The following SUCLA2 variants were observed in gnomAD, a reference collection of about 807,000 sequenced individuals.
The protein encoded by SUCLA2 is succinate-CoA ligase ADP-forming subunit beta.
Under a neutral mutation model 54.8 loss-of-function variants are expected in SUCLA2, and 30 were observed. That is an observed-to-expected ratio of 0.55 (90% confidence interval 0.41 to 0.74). The LOEUF is 0.74. Among genes scored for constraint, SUCLA2 ranks in the 30% least tolerant of loss-of-function variants. SUCLA2 has a pLI of 0.00. For missense variants in SUCLA2, 476 were observed against 562.9 expected, an observed-to-expected ratio of 0.85 and a Z score of 1.56; for synonymous variants, 172 against 188.9, an observed-to-expected ratio of 0.91 and a Z score of 0.74.
intron 8 of SUCLA2, among the ~76,000 whole-genome samples, chr13:47,950,808 TG>T (rs1387578503): frequency 1.3e-5 from 2 of 152,146 alleles, no homozygotes; most frequent in African/African-American, 2.4e-5. Flanking sequence ...TCAGGGCCAG[TG>T]GACTCTGACT....
intron 4 of SUCLA2, among the ~76,000 whole-genome samples, chr13:47,984,900 GTCCCAC>G (rs2137737820): frequency 6.6e-6 from 1 of 152,214 alleles, no homozygotes; most frequent in East Asian, 1.9e-4. Context: ...ACAGGAAAAT[GTCCCAC>G]TCATTTGCAG....
At chr13:47,987,034 G>A (rs1459328810) in intron 4 of SUCLA2, among the ~76,000 whole-genome samples, 2 of 151,994 alleles carry the variant, frequency 1.3e-5, no homozygotes, top group Admixed American at 6.6e-5. Flanking sequence ...TAATGTCTTC[G>A]GTCAAACAGT....
At chr13:47,977,100 C>A (rs185967574) in intron 4 of SUCLA2, among the ~76,000 whole-genome samples, 2 of 151,092 alleles carry the variant, frequency 1.3e-5, no homozygotes, top group Admixed American at 1.3e-4. Context: ...ACTGAAATAA[C>A]AAAAATCAGA....
At chr13:47,998,840 A>G (rs562678932) in intron 1 of SUCLA2, among the ~76,000 whole-genome samples, 19 of 152,338 alleles carry the variant, frequency 1.2e-4, no homozygotes, top group Non-Finnish European at 2.4e-4. Flanking sequence ...GAATACATAC[A>G]TAAAAATTAA....
chr13:47,948,058 T>C (rs563267521), intron 10 of SUCLA2, among the ~76,000 whole-genome samples: 9 of 152,290 alleles, frequency 5.9e-5, no homozygotes. Context: ...TTACCCCACC[T>C]AAAACAAGTA....
intron 4 of SUCLA2, among the ~76,000 whole-genome samples, chr13:47,979,634 A>C (rs1403132893): frequency 1.3e-5 from 2 of 152,188 alleles, no homozygotes; most frequent in Non-Finnish European, 2.9e-5. Flanking sequence ...CTTGAGTATA[A>C]TAATAATAAA....
intron 1 of SUCLA2, among the ~76,000 whole-genome samples, chr13:47,998,417 C>T (rs1566094483): frequency 6.6e-6 from 1 of 151,628 alleles, no homozygotes; most frequent in Non-Finnish European, 1.5e-5. Context: ...TTAGTCCTTA[C>T]ATCTGTCAAA....
At chr13:47,994,884 C>A (rs193058929) in intron 2 of SUCLA2, 40 of 984,676 alleles carry the variant, frequency 4.1e-5, no homozygotes, top group Non-Finnish European at 4.7e-5. Flanking sequence ...CATATTATTT[C>A]TTTCTTCTGT....
chr13:47,996,909 C>G lies in SUCLA2; in HGVS notation c.205G>C (p.Val69Leu). The G allele has an allele frequency of 6.2e-7, 1 of 1,614,010 alleles. No individual in the cohort carries two copies. Among genetic ancestry groups the G allele is most frequent in the South Asian group, 1.1e-5 (1 of 91,086 alleles). ...GCCACATATCCTTTGGGAACGGAGA[C>G]ACCAGCTTCTTGCAATAATTCCATA... ...MSMELLQEAG[V>L]SVPKGYVAKS... The change falls in exon 2 of 11, where the codon GTC (valine) becomes CTC (leucine). Residue 69 changes from valine to leucine, a missense_variant. Physicochemically the swap from Val to Leu is conservative, Grantham distance 32. Around this residue, in one of 2 missense-constraint regions of SUCLA2, gnomAD observed 134 missense variants for 118.7 expected, o/e 1.13. Coordinates refer to ENST00000646932, the MANE Select transcript of SUCLA2 (RefSeq NM_003850.3).
At chr13:47,962,529 A>C (rs1025954992) in intron 6 of SUCLA2, among the ~76,000 whole-genome samples, 1 of 152,146 alleles carries the variant, frequency 6.6e-6, no homozygotes, top group Non-Finnish European at 1.5e-5. Flanking sequence ...TTGCAGGTAG[A>C]TTGGTAGAAG....
rs776026015 is a variant in SUCLA2 at position 47,954,533 on chromosome 13, T to C, written c.827A>G (p.Asn276Ser). Residue 276 changes from asparagine to serine, a missense_variant, in exon 7 of 11, where the codon AAT becomes AGT. This residue lies in a region of SUCLA2 where 342 missense variants were observed against 444.2 expected (regional missense o/e 0.77). Transcript: ENST00000646932. ...GAVLCMDAKI[N>S]FDSNSAYRQK... ...GCGATAGGCTGAATTAGAGTCAAAA[T>C]TGATCTTTGCATCCATACACAATAC... The C allele has an allele frequency of 2.4e-5, 39 of 1,613,716 alleles. No homozygotes were observed. The highest frequency in any genetic ancestry group is 2.7e-5 in the African/African-American group (2 of 74,918).
intron 6 of SUCLA2, chr13:47,965,737 T>C (rs1012950485): frequency 5.9e-4 from 233 of 396,436 alleles, no homozygotes; most frequent in Non-Finnish European, 8.6e-4. Context: ...TTAAATTTCT[T>C]GGTTTTAATA....
rs564850277 is a variant in SUCLA2, at chr13:47,960,912, T to C, written c.803-6355A>G. ...GGCCCAGGGATCACTGCGGAAGAGG[T>C]AGCCATGTAAGACTGTAAAGGCCGA... On this transcript the variant is annotated intron_variant, in intron 6 of 10. Transcript: ENST00000646932. Among the ~76,000 whole-genome samples the C allele has an allele frequency of 2.0e-5, 3 of 152,246 alleles. No homozygotes were observed. In the East Asian group the frequency reaches 5.8e-4, roughly 29 times the overall value.
chr13:47,958,154 G>C (rs1220804765), intron 6 of SUCLA2, among the ~76,000 whole-genome samples: 2 of 152,166 alleles, frequency 1.3e-5, no homozygotes, highest in East Asian at 3.8e-4. Flanking sequence ...TTTGGCCCCA[G>C]TGTTCTTTGG....
chr13:47,954,696 A>C (rs192968268), intron 6 of SUCLA2, 139 bp from the exon 7 acceptor site: 6 of 978,682 alleles, frequency 6.1e-6, no homozygotes, highest in African/African-American at 4.9e-5. Context: ...ATTTATGTTC[A>C]CTATGAATTC....
chr13:47,995,151 T>C (rs1292147000), intron 2 of SUCLA2, among the ~76,000 whole-genome samples: 3 of 152,122 alleles, frequency 2.0e-5, no homozygotes, highest in African/African-American at 7.2e-5. Context: ...GCCCAGGAGT[T>C]TCAGACTAGC....
rs548473262 is a variant in SUCLA2, at chr13:48,001,117, C to T, written c.90+63G>A. The T allele has an allele frequency of 8.4e-5, 130 of 1,547,252 alleles. 1 individual carries two copies. The Admixed American group carries it at 2.1e-3, about 25-fold the overall frequency. The stretch of plus-strand genomic sequence containing the variant: ...AGTGACCCCGAGCCGGGCCACGGGA[C>T]CCCTCACACCTCACCCTTTCTCCTG... On this transcript the variant is annotated intron_variant, in intron 1 of 10. Coordinates refer to ENST00000646932, the MANE Select transcript of SUCLA2 (RefSeq NM_003850.3).
intron 6 of SUCLA2, among the ~76,000 whole-genome samples, chr13:47,966,521 T>G (rs1949919450): frequency 1.9e-5 from 1 of 51,880 alleles, no homozygotes; most frequent in African/African-American, 5.3e-5. Flanking sequence ...GTAATTGCCG[T>G]TTTTAAAAAA....
chr13:47,968,520 A>G (rs1949936798), intron 6 of SUCLA2, 75 bp downstream of exon 6: 3 of 1,564,714 alleles, frequency 1.9e-6, no homozygotes, highest in Non-Finnish European at 2.6e-6. Context: ...TTTAACTTCT[A>G]TGATTTAACT....
Sources: gnomAD v4.1 joint callset for allele counts (sites outside exome capture counted in the v4.1 genomes callset) on GRCh38, gnomAD v4.1.1 for gene constraint, gnomAD v4.1.1 regional missense constraint, MANE v1.5 for transcripts, NCBI Gene and HGNC (gene_info 2026-07-23, HGNC 2026-07-21) for gene names.